PCDH9: variants seen among roughly 807,000 people sequenced by gnomAD.
PCDH9 encodes protocadherin 9.
PCDH9 carries 24 observed loss-of-function variants against 70.6 expected under a neutral mutation model. The ratio of observed to expected loss-of-function variants is 0.34; its 90% CI spans 0.25 to 0.48. PCDH9 has a LOEUF of 0.48. Ranked by LOEUF, PCDH9 falls within the 20% of genes least tolerant of loss-of-function variation. The pLI, the probability that PCDH9 is intolerant of heterozygous loss-of-function variation, is 0.99. For synonymous variants in PCDH9, 562 were observed against 558.5 expected (o/e 1.01, Z -0.09); for missense variants, 1,281 against 1,503.6 (o/e 0.85, Z 2.45).
intron 3 of PCDH9, among the ~76,000 whole-genome samples, chr13:66,890,904 A>G (rs1178736595): frequency 6.6e-6 from 1 of 152,124 alleles, no homozygotes; most frequent in Non-Finnish European, 1.5e-5. Flanking sequence ...ATCAAGTTAT[A>G]GAACATTTAT....
intron 3 of PCDH9, among the ~76,000 whole-genome samples, chr13:66,719,637 A>G (rs935458217): frequency 1.3e-5 from 2 of 152,182 alleles, no homozygotes; most frequent in African/African-American, 4.8e-5. Flanking sequence ...GCCTGATTGG[A>G]CCAGTTTGAA....
At chr13:67,009,170 T>A (rs2084408330) in intron 2 of PCDH9, among the ~76,000 whole-genome samples, 1 of 151,770 alleles carries the variant, frequency 6.6e-6, no homozygotes, top group Non-Finnish European at 1.5e-5. Context: ...GGTCTCAGAG[T>A]TTCTGAATCA....
chr13:66,649,639 T>C (rs541483092), intron 3 of PCDH9, among the ~76,000 whole-genome samples: 1 of 152,146 alleles, frequency 6.6e-6, no homozygotes, highest in East Asian at 1.9e-4. Context: ...TTACTGGTAA[T>C]AGTAAGTAAC....
At chr13:66,937,219 A>G (rs538430503) in intron 2 of PCDH9, among the ~76,000 whole-genome samples, 34 of 152,324 alleles carry the variant, frequency 2.2e-4, no homozygotes, top group African/African-American at 7.2e-4. Flanking sequence ...TGAGAGCCCT[A>G]CGGGATTGGT....
intron 2 of PCDH9, among the ~76,000 whole-genome samples, chr13:66,946,146 C>G (rs2083084347): frequency 1.3e-5 from 2 of 151,948 alleles, no homozygotes; most frequent in Admixed American, 1.3e-4. Flanking sequence ...GATGCCTGAG[C>G]ATGCCATTAG....
At position 66,442,564 on chromosome 13, in the gene PCDH9, G is replaced by GAT. The variant is rs547929416; in HGVS notation, c.3341-137538_3341-137537dup. On this transcript the variant is annotated intron_variant, in intron 4 of 4. Transcript: ENST00000377865. The stretch of plus-strand genomic sequence containing the variant: ...CTTTTCCAAAGAGTGAGATTAAGTT[G>GAT]ATATATATATATAATTAATATTTTA... Among the ~76,000 whole-genome samples the GAT allele has an allele frequency of 4.5e-3, 680 of 151,392 alleles. 22 individuals are homozygous for GAT. In the East Asian group the frequency reaches 0.083, roughly 18 times the overall value.
At chr13:66,847,075 C>T (rs2081224690) in intron 3 of PCDH9, among the ~76,000 whole-genome samples, 1 of 152,008 alleles carries the variant, frequency 6.6e-6, no homozygotes, top group South Asian at 2.1e-4. Flanking sequence ...GTCTAAATAA[C>T]ACATCTTCTA....
chr13:66,798,988 T>C (rs949917780), intron 3 of PCDH9, among the ~76,000 whole-genome samples: 6 of 152,122 alleles, frequency 3.9e-5, no homozygotes, highest in Admixed American at 1.3e-4. Flanking sequence ...TAATTTTTTG[T>C]ATTTTTAGTA....
At chr13:67,154,969 G>A (rs2087774123) in intron 2 of PCDH9, among the ~76,000 whole-genome samples, 1 of 151,912 alleles carries the variant, frequency 6.6e-6, no homozygotes, top group Non-Finnish European at 1.5e-5. Flanking sequence ...CACCTGAGTG[G>A]TGGGTGGGTG....
intron 4 of PCDH9, among the ~76,000 whole-genome samples, chr13:66,434,281 A>G (rs770758800): frequency 6.6e-6 from 1 of 151,960 alleles, no homozygotes; most frequent in Non-Finnish European, 1.5e-5. Context: ...ACATTTAAAC[A>G]TTAATAAGGA....
intron 4 of PCDH9, among the ~76,000 whole-genome samples, chr13:66,549,433 T>C (rs926081972): frequency 2.0e-5 from 3 of 152,188 alleles, no homozygotes; most frequent in Non-Finnish European, 4.4e-5. Flanking sequence ...ACATGTACTG[T>C]ATTACATTCC....
At chr13:66,328,400 ATAT>A (rs1955882289) in intron 4 of PCDH9, among the ~76,000 whole-genome samples, 1 of 152,150 alleles carries the variant, frequency 6.6e-6, no homozygotes, top group Non-Finnish European at 1.5e-5. Context: ...TAGAAGTATG[ATAT>A]TATCATTTAT....
At chr13:66,521,754 T>A (rs1413976142) in intron 4 of PCDH9, among the ~76,000 whole-genome samples, 1 of 152,118 alleles carries the variant, frequency 6.6e-6, no homozygotes, top group Non-Finnish European at 1.5e-5. Flanking sequence ...TAGAAAAACT[T>A]GATACAGGAT....
At chr13:67,017,411 G>A (rs1314139593) in intron 2 of PCDH9, among the ~76,000 whole-genome samples, 1 of 152,108 alleles carries the variant, frequency 6.6e-6, no homozygotes, top group Admixed American at 6.5e-5. Context: ...GCAATTTACA[G>A]GCATTGATAT....
At chr13:66,576,146 G>A (rs1048173525) in intron 4 of PCDH9, among the ~76,000 whole-genome samples, 5 of 150,642 alleles carry the variant, frequency 3.3e-5, no homozygotes, top group African/African-American at 1.2e-4. Context: ...TCAACATGAG[G>A]TTAGAAGCTA....
chr13:67,009,146 A>G (rs2084407761), intron 2 of PCDH9, among the ~76,000 whole-genome samples: 1 of 152,126 alleles, frequency 6.6e-6, no homozygotes, highest in African/African-American at 2.4e-5. Flanking sequence ...GGCCTCGTTA[A>G]AACGCAGGCT....
intron 2 of PCDH9, among the ~76,000 whole-genome samples, chr13:67,055,528 C>T (rs1020233663): frequency 2.6e-5 from 4 of 151,976 alleles, no homozygotes; most frequent in African/African-American, 7.2e-5. Context: ...CTAAGACAAA[C>T]GGGCTGTGTG....
chr13:66,825,839 G>A (rs2080814547), intron 3 of PCDH9, among the ~76,000 whole-genome samples: 1 of 152,016 alleles, frequency 6.6e-6, no homozygotes, highest in African/African-American at 2.4e-5. Flanking sequence ...TGCAATAAAT[G>A]GTGCCGAAAT....
intron 2 of PCDH9, chr13:67,206,660 C>T (rs2089356066): frequency 6.6e-6 from 1 of 152,108 alleles, no homozygotes; most frequent in African/African-American, 2.4e-5. Context: ...GATATATTCT[C>T]CCAGTGCATT....
Sources: gnomAD v4.1 joint callset for allele counts (sites outside exome capture counted in the v4.1 genomes callset) on GRCh38, gnomAD v4.1.1 for gene constraint, MANE v1.5 for transcripts, NCBI Gene and HGNC (gene_info 2026-07-23, HGNC 2026-07-21) for gene names.